The following EYS variants were observed in gnomAD, a reference collection of about 807,000 sequenced individuals.
The protein encoded by EYS is protein eyes shut homolog.
In EYS, 250 loss-of-function variants were observed where a neutral mutation model predicts 282.1. The observed-to-expected ratio is 0.89, with a 90% confidence interval of 0.80 to 0.98. The LOEUF is 0.98. EYS is among the 50% of genes least tolerant of loss of function. The probability of loss-of-function intolerance (pLI) is 0.00; values close to 1 mark genes in which losing one functional copy is unlikely to be tolerated. For synonymous variants in EYS, 1,355 were observed against 1,282.9 expected, an observed-to-expected ratio of 1.06 and a Z score of -1.20; for missense variants, 4,016 against 3,709.0, an observed-to-expected ratio of 1.08 and a Z score of -2.15.
At chr6:65,441,653 G>A (rs1768333192) in intron 5 of EYS, among the ~76,000 whole-genome samples, 1 of 151,968 alleles carries the variant, frequency 6.6e-6, no homozygotes, top group South Asian at 2.1e-4. Flanking sequence ...CCATTTAAAT[G>A]TGCTAAGGAA....
intron 31 of EYS, among the ~76,000 whole-genome samples, chr6:64,115,363 G>A (rs1038119945): frequency 7.2e-5 from 11 of 152,010 alleles, no homozygotes; most frequent in East Asian, 1.9e-4. Context: ...CTACCCAGGC[G>A]CCACACACCA....
chr6:65,521,706 T>C (rs1051039849), intron 2 of EYS, among the ~76,000 whole-genome samples: 1 of 152,176 alleles, frequency 6.6e-6, no homozygotes, highest in Admixed American at 6.5e-5. Context: ...TTTAAAGTAT[T>C]CATTTCTTCT....
At chr6:64,644,774 C>G (rs1401992269) in intron 22 of EYS, among the ~76,000 whole-genome samples, 1 of 152,132 alleles carries the variant, frequency 6.6e-6, no homozygotes, top group African/African-American at 2.4e-5. Flanking sequence ...GGTCTGGGTT[C>G]TCTTACACTG....
At chr6:64,045,227 T>C (rs529133581) in intron 33 of EYS, among the ~76,000 whole-genome samples, 3 of 152,012 alleles carry the variant, frequency 2.0e-5, no homozygotes, top group South Asian at 4.1e-4. Flanking sequence ...TTTTTACTTT[T>C]TTTTTAATAA....
At chr6:63,898,243 C>T (rs1188075983) in intron 35 of EYS, among the ~76,000 whole-genome samples, 5 of 152,118 alleles carry the variant, frequency 3.3e-5, no homozygotes, top group African/African-American at 9.6e-5. Flanking sequence ...AATCCCAGCA[C>T]GTTGGGAGGC....
chr6:64,362,076 G>A lies in EYS; in HGVS notation c.6078+26614C>T, dbSNP rs642408. Among the ~76,000 whole-genome samples the A allele has an allele frequency of 2.9e-3, 441 of 151,850 alleles. 4 individuals are homozygous for A. Among genetic ancestry groups the A allele is most frequent in the African/African-American group, 0.01 (420 of 41,514 alleles). ...AGAGATGATATCAAATAGCCTGGAA[G>A]AAACCTTCAAGAATATTTTTGTAGG... On this transcript the variant is annotated intron_variant, in intron 29 of 42. Coordinates refer to ENST00000503581, the MANE Select transcript of EYS (RefSeq NM_001142800.2).
chr6:63,939,751 T>C (rs1341872208), intron 35 of EYS, among the ~76,000 whole-genome samples: 6 of 152,242 alleles, frequency 3.9e-5, no homozygotes, highest in South Asian at 4.1e-4. Context: ...ATAATACATA[T>C]GTAGATACAT....
intron 23 of EYS, among the ~76,000 whole-genome samples, chr6:64,623,027 C>T (rs1404948797): frequency 6.6e-6 from 1 of 152,132 alleles, no homozygotes; most frequent in Non-Finnish European, 1.5e-5. Flanking sequence ...GGGTAGGAGA[C>T]TTCCTGAGAA....
At chr6:63,726,182 C>T (rs1031556245) in intron 42 of EYS, among the ~76,000 whole-genome samples, 1 of 152,102 alleles carries the variant, frequency 6.6e-6, no homozygotes, top group Non-Finnish European at 1.5e-5. Flanking sequence ...AATGTATCAG[C>T]CATGCCTTCC....
At chr6:65,088,304 A>T (rs1774446799) in intron 12 of EYS, among the ~76,000 whole-genome samples, 1 of 152,184 alleles carries the variant, frequency 6.6e-6, no homozygotes, top group African/African-American at 2.4e-5. Flanking sequence ...AGGGGTCAAA[A>T]GAAGACAGGA....
chr6:65,578,210 T>A (rs534518573), intron 2 of EYS, among the ~76,000 whole-genome samples: 19 of 91,528 alleles, frequency 2.1e-4, no homozygotes, highest in South Asian at 1.6e-3. Flanking sequence ...ATAATGAAAA[T>A]ATATATATAT....
intron 22 of EYS, among the ~76,000 whole-genome samples, chr6:64,680,032 A>G (rs771158152): frequency 6.6e-5 from 10 of 152,336 alleles, no homozygotes; most frequent in Admixed American, 1.3e-4. Flanking sequence ...AAATAAAATA[A>G]TTCTTTTTTT....
At chr6:64,007,033 C>T (rs1422505281) in intron 33 of EYS, among the ~76,000 whole-genome samples, 1 of 152,138 alleles carries the variant, frequency 6.6e-6, no homozygotes, top group Non-Finnish European at 1.5e-5. Flanking sequence ...GGAGGAGTCC[C>T]TCATCCTCAA....
chr6:64,655,597 G>A (rs1346452842), intron 22 of EYS, among the ~76,000 whole-genome samples: 4 of 151,886 alleles, frequency 2.6e-5, no homozygotes, highest in Non-Finnish European at 5.9e-5. Context: ...ATAACCTCAT[G>A]CTGTATACCT....
chr6:65,029,349 C>T (rs1412393111), intron 13 of EYS, among the ~76,000 whole-genome samples: 2 of 151,840 alleles, frequency 1.3e-5, no homozygotes, highest in African/African-American at 4.8e-5. Context: ...ATATTTATGT[C>T]TATATATTGA....
intron 35 of EYS, among the ~76,000 whole-genome samples, chr6:63,866,488 A>G (rs966316166): frequency 6.2e-4 from 94 of 152,330 alleles, no homozygotes; most frequent in African/African-American, 2.2e-3. Context: ...TAAATGCTTT[A>G]ATCATATAAA....
At chr6:64,696,874 C>A (rs984820197) in intron 22 of EYS, among the ~76,000 whole-genome samples, 1 of 151,868 alleles carries the variant, frequency 6.6e-6, no homozygotes, top group Non-Finnish European at 1.5e-5. Context: ...AAGTTGATAC[C>A]AGCCATCATA....
At chr6:65,428,024 T>C (rs1767731110) in intron 5 of EYS, among the ~76,000 whole-genome samples, 1 of 152,068 alleles carries the variant, frequency 6.6e-6, no homozygotes, top group Non-Finnish European at 1.5e-5. Flanking sequence ...ACGTTATACA[T>C]AATAAGTGAA....
chr6:63,933,787 T>C (rs1764969207), intron 35 of EYS, among the ~76,000 whole-genome samples: 1 of 152,108 alleles, frequency 6.6e-6, no homozygotes, highest in Admixed American at 6.5e-5. Flanking sequence ...ACCAAATATA[T>C]ATTTCATGTT....
Sources: allele counts gnomAD v4.1 joint callset (sites outside exome capture counted in the v4.1 genomes callset), GRCh38; gene constraint gnomAD v4.1.1; transcripts MANE v1.5; gene names NCBI Gene and HGNC (gene_info 2026-07-23, HGNC 2026-07-21).